The following RTN4RL1 variants were observed in gnomAD, a reference collection of about 807,000 sequenced individuals.
The protein encoded by RTN4RL1 is reticulon-4 receptor-like 1.
Under a neutral mutation model 25.6 loss-of-function variants are expected in RTN4RL1, and 7 were observed. The ratio of observed to expected loss-of-function variants is 0.27; its 90% CI spans 0.16 to 0.51. The LOEUF (loss-of-function observed/expected upper bound fraction) is 0.51. RTN4RL1 is among the 20% of genes least tolerant of loss of function. The pLI is 0.97. For synonymous variants in RTN4RL1, 297 were observed against 288.2 expected, an observed-to-expected ratio of 1.03 and a Z score of -0.31; for missense variants, 500 against 615.6, an observed-to-expected ratio of 0.81 and a Z score of 1.99.
intron 1 of RTN4RL1, among the ~76,000 whole-genome samples, chr17:2,023,938 C>T (rs1487114288): frequency 1.3e-5 from 2 of 152,120 alleles, no homozygotes; most frequent in Admixed American, 6.5e-5. Flanking sequence ...GGGGGGATCC[C>T]GGCGGGGCGC....
chr17:1,968,258 G>T (rs778827435), intron 1 of RTN4RL1, among the ~76,000 whole-genome samples: 3 of 152,074 alleles, frequency 2.0e-5, no homozygotes, highest in Non-Finnish European at 2.9e-5. Flanking sequence ...AAAGCACCCC[G>T]TCCAAACCCT....
intron 1 of RTN4RL1, among the ~76,000 whole-genome samples, chr17:1,940,273 C>A (rs970380516): frequency 6.6e-6 from 1 of 152,196 alleles, no homozygotes; most frequent in Non-Finnish European, 1.5e-5. Context: ...GGCTCGGTTG[C>A]GAATTCAGAG....
chr17:2,014,333 G>T (rs117173308), intron 1 of RTN4RL1, among the ~76,000 whole-genome samples: 1 of 152,122 alleles, frequency 6.6e-6, no homozygotes, highest in South Asian at 2.1e-4. Context: ...TATTATCATC[G>T]CAACAAGGAA....
intron 1 of RTN4RL1, among the ~76,000 whole-genome samples, chr17:1,941,133 C>T (rs1177521263): frequency 6.6e-6 from 1 of 152,206 alleles, no homozygotes; most frequent in Non-Finnish European, 1.5e-5. Flanking sequence ...CCTTCACCCA[C>T]TGTGTGGCTA....
At chr17:1,939,137 G>C (rs1915381042) in intron 1 of RTN4RL1, among the ~76,000 whole-genome samples, 2 of 152,108 alleles carry the variant, frequency 1.3e-5, no homozygotes, top group South Asian at 2.1e-4. Flanking sequence ...CGGATCACGA[G>C]GTCAGGAGAT....
chr17:1,984,420 G>C (rs933643218), intron 1 of RTN4RL1, among the ~76,000 whole-genome samples: 10 of 152,176 alleles, frequency 6.6e-5, no homozygotes, highest in African/African-American at 2.4e-4. Flanking sequence ...CTGGAGTGCA[G>C]TGGCCCAGTC....
At chr17:1,939,210 G>A (rs181754181) in intron 1 of RTN4RL1, among the ~76,000 whole-genome samples, 66 of 151,602 alleles carry the variant, frequency 4.4e-4, no homozygotes, top group African/African-American at 1.1e-3. Context: ...AAAATTAGCC[G>A]GGCGTGGTGG....
chr17:2,012,366 C>T (rs527493743), intron 1 of RTN4RL1, among the ~76,000 whole-genome samples: 278 of 152,320 alleles, frequency 1.8e-3, no homozygotes, highest in Non-Finnish European at 3.4e-3. Context: ...TGCGGTGAGG[C>T]GGCCCTAAGG....
chr17:1,976,328 C>T (rs533758853), intron 1 of RTN4RL1, among the ~76,000 whole-genome samples: 1 of 152,234 alleles, frequency 6.6e-6, no homozygotes. Flanking sequence ...AGGTGTCGGC[C>T]CATGGCCTGG....
At chr17:1,982,022 C>CG (rs1468989073) in intron 1 of RTN4RL1, among the ~76,000 whole-genome samples, 5 of 152,178 alleles carry the variant, frequency 3.3e-5, no homozygotes, top group African/African-American at 1.2e-4. Context: ...TGAAACTGGC[C>CG]GGCACGGTGG....
chr17:1,946,977 A>C (rs1201769780), intron 1 of RTN4RL1, among the ~76,000 whole-genome samples: 5 of 136,012 alleles, frequency 3.7e-5, no homozygotes, highest in African/African-American at 5.8e-5. Flanking sequence ...CTCTGTGTGA[A>C]TGTGTGTGCA....
intron 1 of RTN4RL1, among the ~76,000 whole-genome samples, chr17:1,987,991 A>G (rs1049193445): frequency 2.0e-5 from 3 of 152,092 alleles, no homozygotes; most frequent in Non-Finnish European, 4.4e-5. Flanking sequence ...CTGTAATCCC[A>G]GCTACTCGGG....
rs7220390 is a variant in RTN4RL1, at chr17:1,972,335, T to A, written c.14-34527A>T. Among the ~76,000 whole-genome samples, 913 of 148,776 alleles carry A rather than the reference T, an allele frequency of 6.1e-3. 10 individuals carry two copies. Among genetic ancestry groups the A allele is most frequent in the South Asian group, 0.032 (150 of 4,726 alleles). Reference sequence around the variant, plus strand: ...ATAAATAAATAAATAAATAAAAATTTAAAAAAAAAAGTAAAATCAAACCCC... The same window carrying A: ...ATAAATAAATAAATAAATAAAAATTAAAAAAAAAAAGTAAAATCAAACCCC... On this transcript the variant is annotated intron_variant, in intron 1 of 1. Coordinates refer to ENST00000331238, the MANE Select transcript of RTN4RL1 (RefSeq NM_178568.4).
chr17:1,973,766 T>C (rs1162200972), intron 1 of RTN4RL1, among the ~76,000 whole-genome samples: 1 of 150,608 alleles, frequency 6.6e-6, no homozygotes, highest in Non-Finnish European at 1.5e-5. Context: ...TGGCCGGGTG[T>C]GGTGGCTCAT....
intron 1 of RTN4RL1, among the ~76,000 whole-genome samples, chr17:1,967,267 A>G (rs2066795771): frequency 7.0e-6 from 1 of 142,034 alleles, no homozygotes; most frequent in African/African-American, 2.5e-5. Context: ...AACAAAACAA[A>G]CAAAACACTG....
At chr17:1,966,480 G>C (rs905558206) in intron 1 of RTN4RL1, among the ~76,000 whole-genome samples, 2 of 152,176 alleles carry the variant, frequency 1.3e-5, no homozygotes, top group African/African-American at 4.8e-5. Context: ...GGAGGGAGAG[G>C]ATTCTGACCC....
chr17:2,016,102 C>T (rs930109822), intron 1 of RTN4RL1, among the ~76,000 whole-genome samples: 1 of 152,162 alleles, frequency 6.6e-6, no homozygotes, highest in South Asian at 2.1e-4. Flanking sequence ...CTTTGAAGGC[C>T]GGGCGCGGTG....
At chr17:1,943,566 G>A (rs1253429498) in intron 1 of RTN4RL1, among the ~76,000 whole-genome samples, 2 of 152,202 alleles carry the variant, frequency 1.3e-5, no homozygotes, top group Non-Finnish European at 2.9e-5. Context: ...CTGGCAGATT[G>A]GCAGATCCTC....
intron 1 of RTN4RL1, among the ~76,000 whole-genome samples, chr17:1,939,606 C>T (rs983579926): frequency 7.2e-5 from 11 of 152,176 alleles, no homozygotes; most frequent in African/African-American, 2.7e-4. Context: ...AGCGTTTCCT[C>T]TGTAGCTTCC....
Sources: gnomAD v4.1 joint callset for allele counts (sites outside exome capture counted in the v4.1 genomes callset) on GRCh38, gnomAD v4.1.1 for gene constraint, MANE v1.5 for transcripts, NCBI Gene and HGNC (gene_info 2026-07-23, HGNC 2026-07-21) for gene names.